KLRG1: variants seen among roughly 807,000 people sequenced by gnomAD.
The protein encoded by KLRG1 is killer cell lectin like receptor G1.
KLRG1 carries 16 observed loss-of-function variants against 21.8 expected under a neutral mutation model. The observed-to-expected ratio is 0.73, with a 90% CI of 0.50 to 1.11. The LOEUF (loss-of-function observed/expected upper bound fraction) is 1.11. Ranked by LOEUF, KLRG1 falls within the 50% of genes most tolerant of loss-of-function variation. The probability of loss-of-function intolerance (pLI) is 0.00; values close to 1 mark genes in which losing one functional copy is unlikely to be tolerated. For missense variants in KLRG1, 173 were observed against 218.3 expected (o/e 0.79, Z 1.31); for synonymous variants, 69 against 75.9 (o/e 0.91, Z 0.47).
At chr12:9,073,392 G>C in the KLRG1 span, among the ~76,000 whole-genome samples, 1 of 152,286 alleles carries the variant, frequency 6.6e-6, no homozygotes, top group East Asian at 1.9e-4. Context: ...TTATCTTCTG[G>C]ATTTAATGAC....
chr12:9,102,743 A>T, the KLRG1 span, among the ~76,000 whole-genome samples: 1 of 152,228 alleles, frequency 6.6e-6, no homozygotes, highest in African/African-American at 2.4e-5. Flanking sequence ...GATCACCCCA[A>T]ACAGGGAACA....
chr12:8,963,404 A>C (rs963755275), intron 1 of KLRG1, among the ~76,000 whole-genome samples: 1 of 152,200 alleles, frequency 6.6e-6, no homozygotes, highest in South Asian at 2.1e-4. Flanking sequence ...ATGGTGGATA[A>C]GCTTTTTGAT....
chr12:8,958,844 G>C (rs1946337545), intron 1 of KLRG1, among the ~76,000 whole-genome samples: 1 of 139,256 alleles, frequency 7.2e-6, no homozygotes, highest in African/African-American at 2.6e-5. Flanking sequence ...ACAACAGAGT[G>C]ATACCCTGTA....
At chr12:9,065,151 T>TCCCCCCCCCCCCCCCCC in the KLRG1 span, 48 of 52,656 alleles carry the variant, frequency 9.1e-4, 1 homozygote, top group African/African-American at 1.6e-3. Flanking sequence ...ATTCCCTTCC[T>TCCCCCCCCCCCCCCCCC]CCCCCCCCCC....
chr12:9,108,559 T>C, the KLRG1 span, among the ~76,000 whole-genome samples: 2 of 152,214 alleles, frequency 1.3e-5, no homozygotes, highest in African/African-American at 2.4e-5. Context: ...ACACCAGTTA[T>C]GAGGAACCAG....
At chr12:9,160,942 C>T in the KLRG1 span, 2 of 1,085,218 alleles carry the variant, frequency 1.8e-6, no homozygotes, top group Non-Finnish European at 2.8e-6. Context: ...TAGCAGCTAT[C>T]AAGAACTTGA....
chr12:9,203,366 G>T, the KLRG1 span, among the ~76,000 whole-genome samples: 1 of 134,394 alleles, frequency 7.4e-6, no homozygotes, highest in East Asian at 2.2e-4. Context: ...TTTTGAGACG[G>T]AGTCTCGCTC....
chr12:9,116,935 G>A, the KLRG1 span, among the ~76,000 whole-genome samples: 1 of 151,960 alleles, frequency 6.6e-6, no homozygotes. Context: ...AAATACAGTA[G>A]CCAAACATAT....
chr12:9,201,065 A>T, the KLRG1 span: 1 of 1,613,736 alleles, frequency 6.2e-7, no homozygotes. Flanking sequence ...TGGGTTCTGA[A>T]GGGAAACAAG....
At chr12:9,060,859 A>G in the KLRG1 span, among the ~76,000 whole-genome samples, 2 of 152,194 alleles carry the variant, frequency 1.3e-5, no homozygotes, top group African/African-American at 4.8e-5. Context: ...CTATCTTCAC[A>G]ATTAGACTAT....
At chr12:9,057,869 GGGAGCA>G in the KLRG1 span, 1 of 152,182 alleles carries the variant, frequency 6.6e-6, no homozygotes, top group Non-Finnish European at 1.5e-5. Flanking sequence ...GGCTCACATA[GGGAGCA>G]GTTGGAGGGT....
At chr12:9,181,866 T>A in the KLRG1 span, 1 of 1,243,026 alleles carries the variant, frequency 8.0e-7, no homozygotes, top group Non-Finnish European at 1.1e-6. Flanking sequence ...TTGGGAACTG[T>A]TGGGCAACTC....
At chr12:9,107,942 A>T in the KLRG1 span, among the ~76,000 whole-genome samples, 1 of 151,934 alleles carries the variant, frequency 6.6e-6, no homozygotes, top group South Asian at 2.1e-4. Context: ...TTAAAAGAGA[A>T]ACAATACCAG....
chr12:8,966,471 T>A (rs373486702), intron 1 of KLRG1, among the ~76,000 whole-genome samples: 3 of 150,636 alleles, frequency 2.0e-5, no homozygotes, highest in South Asian at 4.2e-4. Context: ...GAATCTACAA[T>A]GAACTCAAAC....
At chr12:9,182,456 C>G in the KLRG1 span, among the ~76,000 whole-genome samples, 1 of 152,046 alleles carries the variant, frequency 6.6e-6, no homozygotes, top group Non-Finnish European at 1.5e-5. Context: ...ACATTTCAGA[C>G]TAGAGGTGAT....
At chr12:8,953,731 T>A (rs1012585420) in intron 1 of KLRG1, among the ~76,000 whole-genome samples, 2 of 152,188 alleles carry the variant, frequency 1.3e-5, no homozygotes, top group Non-Finnish European at 2.9e-5. Context: ...ATTGGCGATT[T>A]TAACAGGAAA....
the KLRG1 span, chr12:9,168,780 A>T: frequency 1.0e-4 from 98 of 967,142 alleles, 1 homozygote; most frequent in East Asian, 1.9e-3. Context: ...TATAAAGTGG[A>T]AATAGGGCTA....
chr12:9,175,642 C>A, the KLRG1 span, among the ~76,000 whole-genome samples: 1 of 152,010 alleles, frequency 6.6e-6, no homozygotes, highest in Non-Finnish European at 1.5e-5. Flanking sequence ...AAAAAGTGGG[C>A]AAAGGACATG....
the KLRG1 span, chr12:9,180,993 G>C: frequency 9.3e-6 from 15 of 1,613,426 alleles, no homozygotes; most frequent in Non-Finnish European, 1.3e-5. Context: ...TGAGGACACA[G>C]AGAGCTCAGC....
Sources: gnomAD v4.1 joint callset for allele counts (sites outside exome capture counted in the v4.1 genomes callset) on GRCh38, gnomAD v4.1.1 for gene constraint, MANE v1.5 for transcripts, NCBI Gene and HGNC (gene_info 2026-07-23, HGNC 2026-07-21) for gene names.